The following ZFHX3 variants were observed in gnomAD, a reference collection of about 807,000 sequenced individuals.
ZFHX3 encodes the protein zinc finger homeobox 3.
Under a neutral mutation model 279.1 loss-of-function variants are expected in ZFHX3, and 42 were observed. The ratio of observed to expected loss-of-function variants is 0.15; its 90% CI spans 0.12 to 0.19. The LOEUF is 0.19. ZFHX3 is among the 10% of genes least tolerant of loss of function. The pLI, the probability that ZFHX3 is intolerant of heterozygous loss-of-function variation, is 1.00. For missense variants in ZFHX3, 4,981 were observed against 4,754.0 expected (o/e 1.05, Z -1.40); for synonymous variants, 2,293 against 1,957.8 (o/e 1.17, Z -4.52).
intron 3 of ZFHX3, among the ~76,000 whole-genome samples, chr16:73,319,447 G>A (rs1204083818): frequency 2.0e-5 from 3 of 152,138 alleles, no homozygotes; most frequent in African/African-American, 7.2e-5. Context: ...GTCCCACAGA[G>A]CTCAGAAACT....
At chr16:73,289,392 G>A (rs2014712914) in intron 4 of ZFHX3, among the ~76,000 whole-genome samples, 1 of 152,084 alleles carries the variant, frequency 6.6e-6, no homozygotes, top group Admixed American at 6.6e-5. Flanking sequence ...TGGTGGGGAT[G>A]TAAGAGGGTG....
chr16:73,756,456 C>T (rs1412943398), intron 1 of ZFHX3, among the ~76,000 whole-genome samples: 1 of 152,120 alleles, frequency 6.6e-6, no homozygotes, highest in Non-Finnish European at 1.5e-5. Context: ...ATTCACACGA[C>T]ATGAGCTTGC....
chr16:72,882,367 G>A (rs887752475), intron 4 of ZFHX3, among the ~76,000 whole-genome samples: 2 of 152,098 alleles, frequency 1.3e-5, no homozygotes, highest in Non-Finnish European at 1.5e-5. Context: ...GGTGCCACGT[G>A]TCATATGCTG....
chr16:73,190,330 G>A (rs1332318880), intron 5 of ZFHX3, among the ~76,000 whole-genome samples: 3 of 152,178 alleles, frequency 2.0e-5, no homozygotes, highest in African/African-American at 7.2e-5. Flanking sequence ...ATGATGCAAG[G>A]AAACAATTAT....
At chr16:73,105,442 C>A (rs34107874) in intron 7 of ZFHX3, among the ~76,000 whole-genome samples, 1 of 61,400 alleles carries the variant, frequency 1.6e-5, no homozygotes, top group African/African-American at 7.2e-5. Context: ...TACACACACA[C>A]ACATATATAT....
intron 1 of ZFHX3, among the ~76,000 whole-genome samples, chr16:73,009,235 A>C (rs1963826863): frequency 6.6e-6 from 1 of 152,016 alleles, no homozygotes; most frequent in African/African-American, 2.4e-5. Context: ...AGAAAAAAAA[A>C]TGGACTCCAT....
intron 4 of ZFHX3, among the ~76,000 whole-genome samples, chr16:73,303,265 C>A (rs1440050601): frequency 1.3e-5 from 2 of 152,080 alleles, no homozygotes; most frequent in Non-Finnish European, 2.9e-5. Context: ...TAGCTCCAAG[C>A]AATTCTCCCA....
Position 73,043,151 on chromosome 16 carries a change from G to A in ZFHX3, c.-50+4601C>T, listed in dbSNP as rs528269683. ...GACAAATCTCAGAGGCAGCACATGT[G>A]TTAATACCAAAGCTCAAAGAACACA... is the stretch of plus-strand genomic sequence containing the variant. On this transcript the variant is annotated intron_variant, in intron 1 of 9. Transcript: ENST00000268489. Among the ~76,000 whole-genome samples, 3 of 152,254 alleles carry A rather than the reference G, an allele frequency of 2.0e-5. No homozygotes were observed. In the East Asian group the frequency reaches 5.8e-4, roughly 30 times the overall value.
At chr16:72,935,690 C>T (rs1306722641) in intron 3 of ZFHX3, among the ~76,000 whole-genome samples, 4 of 150,460 alleles carry the variant, frequency 2.7e-5, no homozygotes, top group Non-Finnish European at 4.4e-5. Flanking sequence ...GCTGAGATCA[C>T]GCCACTGCAC....
Position 73,375,232 on chromosome 16 carries a change from G to C in ZFHX3, c.-1290-56896C>G, listed in dbSNP as rs558178354. 1.7e-4 allele frequency among the ~76,000 whole-genome samples: 26 copies of C among 152,210 alleles called. No individual in the cohort carries two copies. In the Middle Eastern group the frequency reaches 0.014, roughly 80 times the overall value. ...CATATTTGATCTGTGCATTTCAATC[G>C]ATTGAAATTCATGGTAGTTATTTTT... is the stretch of plus-strand genomic sequence containing the variant. On this transcript the variant is annotated intron_variant, in intron 3 of 17. Coordinates refer to the ZFHX3 transcript ENST00000641206.
At chr16:72,863,340 TAAAAAAAAAAA>T (rs66692129) in intron 4 of ZFHX3, among the ~76,000 whole-genome samples, 4 of 64,624 alleles carry the variant, frequency 6.2e-5, no homozygotes, top group Admixed American at 6.1e-4. Flanking sequence ...TCATCTCTAC[TAAAAAAAAAAA>T]AAAAAAAAAA....
chr16:73,687,482 C>T (rs1343709693), intron 1 of ZFHX3, among the ~76,000 whole-genome samples: 1 of 151,950 alleles, frequency 6.6e-6, no homozygotes. Flanking sequence ...TACAAAGTGG[C>T]CCCACAGTGC....
At chr16:73,736,413 T>G (rs1470432579) in intron 1 of ZFHX3, among the ~76,000 whole-genome samples, 1 of 152,206 alleles carries the variant, frequency 6.6e-6, no homozygotes, top group Non-Finnish European at 1.5e-5. Flanking sequence ...GCTCAAACCT[T>G]GAAACATCAT....
chr16:73,423,277 C>T (rs1226567366), intron 3 of ZFHX3, among the ~76,000 whole-genome samples: 1 of 152,050 alleles, frequency 6.6e-6, no homozygotes, highest in African/African-American at 2.4e-5. Context: ...GAGCATTGGA[C>T]AGACACAGTT....
chr16:73,453,385 C>T (rs909507648), intron 3 of ZFHX3, among the ~76,000 whole-genome samples: 4 of 152,174 alleles, frequency 2.6e-5, no homozygotes, highest in African/African-American at 7.2e-5. Context: ...AGAGGACCAG[C>T]AGGTTCCTCT....
In ZFHX3 at chr16:72,793,430, A is replaced by C. The variant is rs2035783247; in HGVS notation, c.9252T>G (p.Ile3084Met). 1 of 1,614,176 alleles carries C rather than the reference A, an allele frequency of 6.2e-7. No individual in the cohort carries two copies. Among genetic ancestry groups the C allele is most frequent in the East Asian group, 2.2e-5 (1 of 44,882 alleles). The change falls in exon 9 of 10, where the codon ATT becomes ATG. Residue 3084 changes from isoleucine to methionine, a missense_variant. Coordinates refer to ENST00000268489, the MANE Select transcript of ZFHX3 (RefSeq NM_006885.4). This position sits in a 1 kb window ranked among gnomAD's most constrained non-coding sequence, Gnocchi z 4.3. ...QLMAQQELDR[I>M]KKANEVLGLA... is the part of the protein sequence containing the mutation. ...GTCCAAGGACCTCGTTGGCCTTTTT[A>C]ATCCGGTCCAACTCTTGTTGAGCCA...
intron 2 of ZFHX3, among the ~76,000 whole-genome samples, chr16:73,536,196 A>G (rs2019899287): frequency 6.6e-6 from 1 of 152,226 alleles, no homozygotes; most frequent in Non-Finnish European, 1.5e-5. Flanking sequence ...AGGTATAGCT[A>G]TCTTTAAATA....
At chr16:73,690,347 T>A (rs1157612783) in intron 1 of ZFHX3, among the ~76,000 whole-genome samples, 6 of 152,324 alleles carry the variant, frequency 3.9e-5, no homozygotes, top group Middle Eastern at 3.4e-3. Flanking sequence ...TAACATGGTA[T>A]GGTCCCCTAG....
chr16:73,209,610 G>A (rs1363902581), intron 5 of ZFHX3, among the ~76,000 whole-genome samples: 2 of 152,204 alleles, frequency 1.3e-5, no homozygotes, highest in African/African-American at 4.8e-5. Flanking sequence ...TGTGTTGGGA[G>A]TTAAATTTCA....
Sources: gnomAD v4.1 joint callset for allele counts (sites outside exome capture counted in the v4.1 genomes callset) on GRCh38, gnomAD v4.1.1 for gene constraint, Gnocchi (gnomAD v3.1) non-coding constraint, MANE v1.5 for transcripts, NCBI Gene and HGNC (gene_info 2026-07-23, HGNC 2026-07-21) for gene names.